Variants in CDH12 observed in about 807,000 individuals in gnomAD.
The protein encoded by CDH12 is cadherin-12.
Under a neutral mutation model 74.1 loss-of-function variants are expected in CDH12, and 41 were observed. That is an observed-to-expected ratio of 0.55 (90% confidence interval 0.43 to 0.72). The LOEUF (loss-of-function observed/expected upper bound fraction) is 0.72. Among genes scored for constraint, CDH12 ranks in the 30% least tolerant of loss-of-function variants. CDH12 has a pLI of 0.00. For missense variants in CDH12, 945 were observed against 977.2 expected (o/e 0.97, Z 0.44); for synonymous variants, 399 against 355.0 (o/e 1.12, Z -1.39).
chr5:22,796,972 G>C (rs1331354503), intron 1 of CDH12, among the ~76,000 whole-genome samples: 1 of 152,044 alleles, frequency 6.6e-6, no homozygotes, highest in African/African-American at 2.4e-5. Context: ...ACATTGCAAA[G>C]AGTTAATAAT....
At chr5:22,203,092 ATTTG>A (rs1343085824) in intron 4 of CDH12, among the ~76,000 whole-genome samples, 1 of 152,242 alleles carries the variant, frequency 6.6e-6, no homozygotes, top group South Asian at 2.1e-4. Flanking sequence ...GAAATTTATC[ATTTG>A]TTTGTGGTGA....
chr5:22,713,797 C>T (rs555757796), intron 1 of CDH12, among the ~76,000 whole-genome samples: 1 of 152,126 alleles, frequency 6.6e-6, no homozygotes, highest in South Asian at 2.1e-4. Flanking sequence ...CTAATGTAAC[C>T]CAGAATTCAC....
chr5:22,142,834 A>T (rs1453709196), intron 4 of CDH12: 2 of 252,776 alleles, frequency 7.9e-6, no homozygotes, highest in Non-Finnish European at 1.7e-5. Flanking sequence ...TAAACAATTT[A>T]AACTTTCTTC....
At chr5:22,530,841 T>C (rs1446163758) in intron 1 of CDH12, among the ~76,000 whole-genome samples, 1 of 152,144 alleles carries the variant, frequency 6.6e-6, no homozygotes, top group Admixed American at 6.6e-5. Context: ...TCCTCATTGC[T>C]GAACAAGGAC....
chr5:22,447,713 G>A (rs1744870570), intron 2 of CDH12, among the ~76,000 whole-genome samples: 1 of 151,968 alleles, frequency 6.6e-6, no homozygotes. Context: ...ACTATTGCTA[G>A]CTTCTCAATT....
intron 1 of CDH12, among the ~76,000 whole-genome samples, chr5:22,626,305 CA>C (rs1738293501): frequency 6.6e-6 from 1 of 152,196 alleles, no homozygotes. Context: ...ATTCCACTGC[CA>C]CCACCCCTAC....
At chr5:22,068,922 A>G (rs1741746831) in intron 5 of CDH12, among the ~76,000 whole-genome samples, 3 of 152,226 alleles carry the variant, frequency 2.0e-5, no homozygotes, top group Admixed American at 2.0e-4. Context: ...CTAACATTTC[A>G]GCAGTAGAGA....
rs566862373 is a variant in CDH12 at position 22,820,683 on chromosome 5, G to A, written c.-523+32375C>T. On this transcript the variant is annotated intron_variant, in intron 1 of 14. Coordinates refer to ENST00000382254, the MANE Select transcript of CDH12 (RefSeq NM_004061.5). ...CATACATCCTCCCAAGACTAAACCA[G>A]GAGGAAGTTGAATCCCTGAATAGAC... Among the ~76,000 whole-genome samples the A allele has an allele frequency of 3.2e-4, 49 of 152,252 alleles. 1 individual carries two copies. The highest frequency in any genetic ancestry group is 2.4e-3 in the Admixed American group (37 of 15,270).
intron 1 of CDH12, among the ~76,000 whole-genome samples, chr5:22,612,062 T>C (rs1737431814): frequency 6.6e-6 from 1 of 152,204 alleles, no homozygotes; most frequent in Non-Finnish European, 1.5e-5. Context: ...TATAAAATAC[T>C]TTAATATTTG....
chr5:22,625,227 G>A (rs1738222934), intron 1 of CDH12, among the ~76,000 whole-genome samples: 1 of 151,956 alleles, frequency 6.6e-6, no homozygotes. Context: ...AGTTTATGCA[G>A]GACACCAACA....
chr5:22,800,074 C>T (rs1347902107), intron 1 of CDH12, among the ~76,000 whole-genome samples: 1 of 152,102 alleles, frequency 6.6e-6, no homozygotes, highest in Non-Finnish European at 1.5e-5. Context: ...TTAGTAGCCA[C>T]TGAGGAGGTA....
At chr5:22,483,974 T>G (rs1047103175) in intron 2 of CDH12, among the ~76,000 whole-genome samples, 9 of 150,600 alleles carry the variant, frequency 6.0e-5, no homozygotes, top group Non-Finnish European at 8.9e-5. Context: ...AGAAACAAAC[T>G]TCTTCTAACC....
intron 3 of CDH12, among the ~76,000 whole-genome samples, chr5:22,241,455 TG>T (rs1752748020): frequency 6.6e-6 from 1 of 152,058 alleles, no homozygotes; most frequent in African/African-American, 2.4e-5. Flanking sequence ...ATGTTTAAAT[TG>T]TTTTTTTATT....
At chr5:22,014,003 G>A (rs569143316) in intron 5 of CDH12, among the ~76,000 whole-genome samples, 3 of 152,242 alleles carry the variant, frequency 2.0e-5, no homozygotes, top group Non-Finnish European at 4.4e-5. Flanking sequence ...GAGGCAGGCA[G>A]ATCACTTTAG....
intron 6 of CDH12, among the ~76,000 whole-genome samples, chr5:21,855,458 G>A (rs1750705087): frequency 6.6e-6 from 1 of 151,470 alleles, no homozygotes. Flanking sequence ...GTTGAAGGGA[G>A]CTTTTCTTTG....
chr5:22,374,041 C>T (rs768901839), intron 3 of CDH12, among the ~76,000 whole-genome samples: 1 of 152,080 alleles, frequency 6.6e-6, no homozygotes, highest in Non-Finnish European at 1.5e-5. Flanking sequence ...CTCTGATGAA[C>T]ACAGATGCAA....
At chr5:22,790,393 G>T (rs1000287558) in intron 1 of CDH12, among the ~76,000 whole-genome samples, 1 of 152,092 alleles carries the variant, frequency 6.6e-6, no homozygotes, top group East Asian at 1.9e-4. Flanking sequence ...AATTCTCAAA[G>T]GGTCTTGTAT....
At chr5:22,845,514 G>A (rs1737261634) in intron 1 of CDH12, among the ~76,000 whole-genome samples, 2 of 152,110 alleles carry the variant, frequency 1.3e-5, no homozygotes, top group Non-Finnish European at 2.9e-5. Flanking sequence ...TGCCCTCTAT[G>A]TGCGACTATT....
intron 3 of CDH12, among the ~76,000 whole-genome samples, chr5:22,302,484 T>G (rs1737928972): frequency 6.6e-6 from 1 of 152,162 alleles, no homozygotes; most frequent in South Asian, 2.1e-4. Flanking sequence ...GAATTCCGCC[T>G]TGGATAGGTT....
Sources: gnomAD v4.1 joint callset for allele counts (sites outside exome capture counted in the v4.1 genomes callset) on GRCh38, gnomAD v4.1.1 for gene constraint, MANE v1.5 for transcripts, NCBI Gene and HGNC (gene_info 2026-07-23, HGNC 2026-07-21) for gene names.